Variants in TMEM44 observed in about 807,000 individuals in gnomAD.
The protein encoded by TMEM44 is transmembrane protein 44.
Under a neutral mutation model 47.8 loss-of-function variants are expected in TMEM44, and 43 were observed. The observed-to-expected ratio is 0.90, with a 90% CI of 0.70 to 1.16. The LOEUF (loss-of-function observed/expected upper bound fraction) is 1.16, where lower values mean the gene tolerates loss of function less well. Ranked by LOEUF, TMEM44 falls within the 50% of genes most tolerant of loss-of-function variation. The pLI is 0.00. For synonymous variants in TMEM44, 277 were observed against 238.8 expected (o/e 1.16, Z -1.48); for missense variants, 568 against 555.2 (o/e 1.02, Z -0.23).
chr3:194,594,102 GCA>G (rs1436400251), intron 9 of TMEM44, among the ~76,000 whole-genome samples: 1 of 107,956 alleles, frequency 9.3e-6, no homozygotes, highest in African/African-American at 2.7e-5. Context: ...ATGAGCCACA[GCA>G]CCTGGCCTAA....
chr3:194,616,049 T>C (rs969825754), intron 6 of TMEM44, among the ~76,000 whole-genome samples: 1 of 152,020 alleles, frequency 6.6e-6, no homozygotes, highest in Admixed American at 6.5e-5. Flanking sequence ...CACCTCTGAA[T>C]GTGACCCCCT....
chr3:194,605,138 A>G (rs1236825746), intron 8 of TMEM44, among the ~76,000 whole-genome samples: 5 of 141,378 alleles, frequency 3.5e-5, no homozygotes, highest in African/African-American at 1.4e-4. Context: ...CTATGTATCT[A>G]TCTATGTATG....
intron 5 of TMEM44, among the ~76,000 whole-genome samples, chr3:194,620,332 C>G (rs1310725195): frequency 6.6e-6 from 1 of 151,958 alleles, no homozygotes. Context: ...GGGCCCACCC[C>G]CAACCTCTTC....
At chr3:194,612,976 CTT>C (rs1190518272) in intron 7 of TMEM44, among the ~76,000 whole-genome samples, 1 of 152,154 alleles carries the variant, frequency 6.6e-6, no homozygotes, top group Non-Finnish European at 1.5e-5. Context: ...TACAAGCTTT[CTT>C]TGAGTTACTT....
chr3:194,622,800 C>T (rs1019022348), intron 5 of TMEM44: 5 of 163,072 alleles, frequency 3.1e-5, no homozygotes, highest in African/African-American at 7.2e-5. Flanking sequence ...CGCCCCGCCT[C>T]GGCCTCGCAA....
At chr3:194,617,472 A>G (rs1451182008) in intron 5 of TMEM44, 12 of 688,594 alleles carry the variant, frequency 1.7e-5, no homozygotes, top group Non-Finnish European at 2.9e-5. Context: ...CCTGGCTTCA[A>G]CTTAACTCTG....
At chr3:194,632,737 C>T (rs571695983) in intron 1 of TMEM44, among the ~76,000 whole-genome samples, 53 of 152,238 alleles carry the variant, frequency 3.5e-4, no homozygotes, top group Middle Eastern at 3.4e-3. Flanking sequence ...GTATTATCTC[C>T]GGTCATAGGA....
intron 5 of TMEM44, chr3:194,617,883 T>C: frequency 1.6e-6 from 1 of 612,998 alleles, no homozygotes; most frequent in Non-Finnish European, 2.9e-6. Flanking sequence ...GAGATCTGGC[T>C]GTTCAAAAAT....
At chr3:194,609,189 C>T (rs1460781829) in intron 8 of TMEM44, among the ~76,000 whole-genome samples, 1 of 152,084 alleles carries the variant, frequency 6.6e-6, no homozygotes, top group African/African-American at 2.4e-5. Flanking sequence ...CGTGAGATGC[C>T]ATATGGTGAC....
chr3:194,598,278 T>A lies in TMEM44; in HGVS notation c.1176+6009A>T, dbSNP rs191897139. Among the ~76,000 whole-genome samples the A allele has an allele frequency of 9.9e-4, 150 of 152,220 alleles. 2 individuals carry two copies. The South Asian group carries it at 0.021, about 21-fold the overall frequency. ...TCTCAGCCGTCTCCTGTTCTGACACTCCTTGAGAACAGAGTCAGAGCACAG... is the reference window on the plus strand; with the variant it reads ...TCTCAGCCGTCTCCTGTTCTGACACACCTTGAGAACAGAGTCAGAGCACAG... On this transcript the variant is annotated intron_variant, in intron 9 of 9. Transcript: ENST00000347147.
intron 2 of TMEM44, among the ~76,000 whole-genome samples, chr3:194,627,845 G>A (rs775342395): frequency 4.6e-5 from 7 of 152,168 alleles, no homozygotes; most frequent in Non-Finnish European, 8.8e-5. Flanking sequence ...CCAGTGTGGT[G>A]GCGTGCGCCT....
chr3:194,593,705 AT>A (rs1713033587), intron 9 of TMEM44, among the ~76,000 whole-genome samples: 1 of 152,238 alleles, frequency 6.6e-6, no homozygotes, highest in African/African-American at 2.4e-5. Flanking sequence ...GGGAATGTCT[AT>A]TAAATTAAAT....
At chr3:194,607,238 G>C (rs1321705618) in intron 8 of TMEM44, among the ~76,000 whole-genome samples, 1 of 152,020 alleles carries the variant, frequency 6.6e-6, no homozygotes, top group Non-Finnish European at 1.5e-5. Context: ...GCTTGCCTTT[G>C]CCTTCCCCCA....
At chr3:194,631,224 C>T (rs966435524) in intron 1 of TMEM44, among the ~76,000 whole-genome samples, 5 of 151,152 alleles carry the variant, frequency 3.3e-5, no homozygotes, top group South Asian at 2.1e-4. Flanking sequence ...ACCTGCCTTC[C>T]GAAGGGGCTG....
At chr3:194,631,311 G>A (rs1717805246) in intron 1 of TMEM44, among the ~76,000 whole-genome samples, 1 of 152,138 alleles carries the variant, frequency 6.6e-6, no homozygotes, top group Non-Finnish European at 1.5e-5. Flanking sequence ...TTTCTCTGGA[G>A]ACACCGAGAC....
At chr3:194,628,852 A>C (rs951011203) in intron 1 of TMEM44, among the ~76,000 whole-genome samples, 7 of 152,236 alleles carry the variant, frequency 4.6e-5, no homozygotes, top group African/African-American at 1.7e-4. Context: ...TTTTTTGAAA[A>C]GGAAACAGGA....
chr3:194,591,932 C>A (rs189577591), intron 9 of TMEM44, among the ~76,000 whole-genome samples: 101 of 151,922 alleles, frequency 6.6e-4, no homozygotes, highest in African/African-American at 2.2e-3. Context: ...ATAATAAAAT[C>A]ATTGGGCCAG....
intron 7 of TMEM44, among the ~76,000 whole-genome samples, chr3:194,614,228 G>A (rs975465064): frequency 5.3e-5 from 8 of 152,192 alleles, no homozygotes; most frequent in African/African-American, 1.9e-4. Context: ...GGTCCTCGTG[G>A]CTTGAGAGGA....
chr3:194,610,916 C>G lies in TMEM44; in HGVS notation c.1017G>C (p.Gln339His), dbSNP rs770794904. 27 of 1,612,962 alleles carry G rather than the reference C, an allele frequency of 1.7e-5. No homozygotes were observed. Among genetic ancestry groups the G allele is most frequent in the Non-Finnish European group, 2.3e-5 (27 of 1,179,584 alleles). The change falls in exon 8 of 10, where the codon CAG (glutamine) becomes CAC (histidine). Residue 339 changes from glutamine to histidine, a missense_variant and splice_region_variant. Gln to His is a conservative substitution (Grantham distance 24, BLOSUM62 0). Coordinates refer to ENST00000347147, the MANE Select transcript of TMEM44 (RefSeq NM_001011655.3). The part of the protein sequence containing the change: ...YMELTIEPVQ[Q>H]AGCSATRLPG... ...CTGGCCATGACCGATGGCCACTCAC[C>G]TGCTGCACAGGCTCGATGGTCAGCT... is the stretch of plus-strand genomic sequence containing the variant.
Sources: gnomAD v4.1 joint callset for allele counts (sites outside exome capture counted in the v4.1 genomes callset) on GRCh38, gnomAD v4.1.1 for gene constraint, MANE v1.5 for transcripts, NCBI Gene and HGNC (gene_info 2026-07-23, HGNC 2026-07-21) for gene names.